The following CHSY3 variants were observed in gnomAD, a reference collection of about 807,000 sequenced individuals.
CHSY3 encodes N-acetylgalactosaminyl-proteoglycan 3-beta-glucuronosyltransferase 3.
A neutral mutation model predicts 67.2 loss-of-function variants in CHSY3; 35 were observed. The ratio of observed to expected loss-of-function variants is 0.52; its 90% CI spans 0.40 to 0.69. The LOEUF (loss-of-function observed/expected upper bound fraction) is 0.69, where lower values mean the gene tolerates loss of function less well. Among genes scored for constraint, CHSY3 ranks in the 30% least tolerant of loss-of-function variants. The pLI is 0.00. For missense variants in CHSY3, 1,069 were observed against 1,138.5 expected, an observed-to-expected ratio of 0.94 and a Z score of 0.88; for synonymous variants, 474 against 434.7, an observed-to-expected ratio of 1.09 and a Z score of -1.12.
At chr5:130,129,739 A>G (rs1768419690) in intron 2 of CHSY3, among the ~76,000 whole-genome samples, 1 of 152,140 alleles carries the variant, frequency 6.6e-6, no homozygotes, top group South Asian at 2.1e-4. Flanking sequence ...GCCCGTTTCT[A>G]GTTGTGTGTT....
chr5:130,076,105 A>C (rs768601173), intron 2 of CHSY3, among the ~76,000 whole-genome samples: 4 of 152,092 alleles, frequency 2.6e-5, no homozygotes, highest in Non-Finnish European at 5.9e-5. Context: ...CCACTGTGTC[A>C]ATTTACCCTG....
At chr5:130,094,500 G>A (rs559914400) in intron 2 of CHSY3, among the ~76,000 whole-genome samples, 2 of 152,230 alleles carry the variant, frequency 1.3e-5, no homozygotes, top group African/African-American at 4.8e-5. Context: ...GGATATTGAA[G>A]TAAAAGCTTG....
At chr5:130,125,452 T>TAGATAGAC (rs1200470666) in intron 2 of CHSY3, among the ~76,000 whole-genome samples, 10 of 151,800 alleles carry the variant, frequency 6.6e-5, no homozygotes, top group African/African-American at 9.7e-5. Flanking sequence ...GATAGATAGA[T>TAGATAGAC]AGACAGACAG....
rs144719342 is a variant in CHSY3 at position 130,098,017 on chromosome 5, A to G, written c.1087-86212A>G. Among the ~76,000 whole-genome samples, 371 of 152,280 alleles carry G rather than the reference A, an allele frequency of 2.4e-3. 2 individuals carry two copies. The highest frequency in any genetic ancestry group is 0.014 in the Middle Eastern group (4 of 294). ...AGACTCCATCTCAAAAAAAGAAAGAAAAAAGAAAGAAGTAATACAGGGAAG... is the reference window on the plus strand; with the variant it reads ...AGACTCCATCTCAAAAAAAGAAAGAGAAAAGAAAGAAGTAATACAGGGAAG... On this transcript the variant is annotated intron_variant, in intron 2 of 2. Coordinates refer to ENST00000305031, the MANE Select transcript of CHSY3 (RefSeq NM_175856.5).
chr5:130,046,617 T>C (rs747399719), intron 2 of CHSY3, among the ~76,000 whole-genome samples: 1 of 152,042 alleles, frequency 6.6e-6, no homozygotes, highest in Non-Finnish European at 1.5e-5. Flanking sequence ...TTGTAAAACA[T>C]ACAATCAATT....
Position 130,048,886 on chromosome 5 carries a change from G to A in CHSY3, c.1087-135343G>A, listed in dbSNP as rs937833549. Among the ~76,000 whole-genome samples, 149 of 152,018 alleles carry A rather than the reference G, an allele frequency of 9.8e-4. 2 individuals are homozygous for A. The highest frequency in any genetic ancestry group is 2.6e-4 in the Non-Finnish European group (18 of 67,948). ...ATAATACAAAATTTCAGTTAGACAG[G>A]AAGAATGAATTTTTTGTGATGCACA... On this transcript the variant is annotated intron_variant, in intron 2 of 2. Transcript: ENST00000305031.
At chr5:130,006,987 G>A (rs1014307710) in intron 2 of CHSY3, among the ~76,000 whole-genome samples, 1 of 152,112 alleles carries the variant, frequency 6.6e-6, no homozygotes, top group Non-Finnish European at 1.5e-5. Context: ...CAGTTGCTCT[G>A]AAGTGGAGCC....
At chr5:129,976,590 T>A (rs1762813876) in intron 2 of CHSY3, among the ~76,000 whole-genome samples, 1 of 152,092 alleles carries the variant, frequency 6.6e-6, no homozygotes, top group Admixed American at 6.6e-5. Context: ...GAATTTGTAT[T>A]CCTTTAGGAG....
In CHSY3 at chr5:129,921,786, A is replaced by C. The variant is rs991523808; in HGVS notation, c.1086+13426A>C. Among the ~76,000 whole-genome samples the C allele has an allele frequency of 2.6e-5, 4 of 152,184 alleles. No homozygotes were observed. In the East Asian group the frequency reaches 7.7e-4, roughly 29 times the overall value. ...ATACAGGCATACAATGCCTATATCA[A>C]TTCAGGGTAATTGGGATATCTGTCA... On this transcript the variant is annotated intron_variant, in intron 2 of 2. Transcript: ENST00000305031.
At chr5:129,923,836 T>G (rs925905523) in intron 2 of CHSY3, among the ~76,000 whole-genome samples, 1 of 152,198 alleles carries the variant, frequency 6.6e-6, no homozygotes, top group African/African-American at 2.4e-5. Context: ...TTGTGAAAAC[T>G]TTTTAGTAGA....
chr5:129,974,591 G>T (rs896533714), intron 2 of CHSY3, among the ~76,000 whole-genome samples: 3 of 152,118 alleles, frequency 2.0e-5, no homozygotes, highest in African/African-American at 7.2e-5. Flanking sequence ...GTCAAGTGTG[G>T]TTGGGTTGCT....
At chr5:130,089,132 A>G (rs1405922464) in intron 2 of CHSY3, among the ~76,000 whole-genome samples, 2 of 150,074 alleles carry the variant, frequency 1.3e-5, no homozygotes, top group African/African-American at 4.9e-5. Flanking sequence ...ACAAAAAACC[A>G]AACACTGCAT....
At chr5:129,971,918 T>C (rs1054220626) in intron 2 of CHSY3, among the ~76,000 whole-genome samples, 1 of 152,052 alleles carries the variant, frequency 6.6e-6, no homozygotes, top group African/African-American at 2.4e-5. Flanking sequence ...TTTCTACACA[T>C]GCTTGGATTC....
At chr5:130,045,320 A>G (rs550522170) in intron 2 of CHSY3, among the ~76,000 whole-genome samples, 2 of 152,224 alleles carry the variant, frequency 1.3e-5, no homozygotes, top group East Asian at 3.9e-4. Flanking sequence ...GTACATTCAC[A>G]CTTGAGTTAT....
chr5:129,922,298 G>C (rs982879284), intron 2 of CHSY3, among the ~76,000 whole-genome samples: 4 of 152,234 alleles, frequency 2.6e-5, no homozygotes, highest in African/African-American at 9.6e-5. Flanking sequence ...ATAAACATGG[G>C]TGTGCAAATA....
intron 2 of CHSY3, among the ~76,000 whole-genome samples, chr5:129,951,646 C>T (rs1016038310): frequency 6.6e-5 from 10 of 152,050 alleles, no homozygotes; most frequent in Non-Finnish European, 1.3e-4. Flanking sequence ...AAGACAGAGC[C>T]CCACCTGATA....
At chr5:129,923,110 C>T (rs1581369712) in intron 2 of CHSY3, among the ~76,000 whole-genome samples, 1 of 151,924 alleles carries the variant, frequency 6.6e-6, no homozygotes, top group African/African-American at 2.4e-5. Flanking sequence ...AATTTTAAGT[C>T]ATAGTGGAAA....
At chr5:130,125,729 G>T (rs1166309314) in intron 2 of CHSY3, among the ~76,000 whole-genome samples, 2 of 152,168 alleles carry the variant, frequency 1.3e-5, no homozygotes, top group Non-Finnish European at 2.9e-5. Context: ...CTGTACATCT[G>T]TTGACTTGAT....
rs762755238 is a variant in CHSY3, at chr5:130,138,808, G to A, written c.1087-45421G>A. On this transcript the variant is annotated intron_variant, in intron 2 of 2. Transcript: ENST00000305031. ...AGAGCTCATACTGTTCCAGTAGGTT[G>A]GACCCAAATCCCTTTTGTTAAAGTA... Among the ~76,000 whole-genome samples the A allele has an allele frequency of 1.6e-4, 24 of 152,136 alleles. 1 individual carries two copies. The highest frequency in any genetic ancestry group is 3.5e-4 in the Non-Finnish European group (24 of 68,026).
Sources: gnomAD v4.1 joint callset for allele counts (sites outside exome capture counted in the v4.1 genomes callset) on GRCh38, gnomAD v4.1.1 for gene constraint, MANE v1.5 for transcripts, NCBI Gene and HGNC (gene_info 2026-07-23, HGNC 2026-07-21) for gene names.